MLLT3: variants seen among roughly 807,000 people sequenced by gnomAD.
MLLT3 encodes protein AF-9.
Under a neutral mutation model 53.2 loss-of-function variants are expected in MLLT3, and 4 were observed. The observed-to-expected ratio is 0.08, with a 90% CI of 0.04 to 0.17. The LOEUF is 0.17. MLLT3 is among the 10% of genes least tolerant of loss of function. The pLI, the probability that MLLT3 is intolerant of heterozygous loss-of-function variation, is 1.00. For synonymous variants in MLLT3, 283 were observed against 230.6 expected, an observed-to-expected ratio of 1.23 and a Z score of -2.06; for missense variants, 569 against 684.0, an observed-to-expected ratio of 0.83 and a Z score of 1.87.
intron 5 of MLLT3, among the ~76,000 whole-genome samples, chr9:20,366,732 C>G (rs547456231): frequency 6.6e-6 from 1 of 152,278 alleles, no homozygotes; most frequent in East Asian, 1.9e-4. Context: ...TAATGATCGC[C>G]ATTCTAACTG....
At chr9:20,385,511 G>A (rs1352770612) in intron 5 of MLLT3, among the ~76,000 whole-genome samples, 1 of 152,048 alleles carries the variant, frequency 6.6e-6, no homozygotes, top group African/African-American at 2.4e-5. Flanking sequence ...AATTATGTTT[G>A]AAATATATGA....
chr9:20,566,240 A>ACCACCC (rs2131158449), intron 2 of MLLT3, among the ~76,000 whole-genome samples: 1 of 151,168 alleles, frequency 6.6e-6, no homozygotes, highest in East Asian at 1.9e-4. Context: ...GGAGTTTGAG[A>ACCACCC]CCACCCTGGC....
chr9:20,421,911 T>C (rs1367195343), intron 4 of MLLT3, among the ~76,000 whole-genome samples: 1 of 152,168 alleles, frequency 6.6e-6, no homozygotes, highest in East Asian at 1.9e-4. Context: ...ATAGGATTTT[T>C]AGCAAGATAT....
intron 5 of MLLT3, among the ~76,000 whole-genome samples, chr9:20,407,435 T>G (rs1822611789): frequency 6.6e-6 from 1 of 152,190 alleles, no homozygotes; most frequent in Admixed American, 6.5e-5. Context: ...TGGCTCTGCA[T>G]GCCAAATCCA....
intron 2 of MLLT3, among the ~76,000 whole-genome samples, chr9:20,546,363 G>C (rs890665504): frequency 1.3e-5 from 2 of 152,098 alleles, no homozygotes; most frequent in African/African-American, 4.8e-5. Context: ...ATACAGTGAG[G>C]CACTGTTTCA....
intron 2 of MLLT3, among the ~76,000 whole-genome samples, chr9:20,492,953 C>T (rs1824986885): frequency 6.6e-6 from 1 of 151,872 alleles, no homozygotes; most frequent in Non-Finnish European, 1.5e-5. Flanking sequence ...AATTGATTGT[C>T]TTACCTTTAA....
In MLLT3 at chr9:20,415,494, A is replaced by T. The variant is rs189234715; in HGVS notation, c.421-1069T>A. ...ATAAGAAACAGAGAAGATCCTGGAC[A>T]TGCAAAAATCCACATCAATACTAAA... On this transcript the variant is annotated intron_variant, in intron 4 of 10. Transcript: ENST00000380338. 2.1e-3 allele frequency: 2,000 copies of T among 940,110 alleles called. 6 individuals carry two copies. The highest frequency in any genetic ancestry group is 2.3e-3 in the Non-Finnish European group (1,819 of 788,580). 58.2% of individuals were successfully genotyped at this position (940,110 alleles called of 1,614,324 possible).
chr9:20,460,204 G>T (rs1290557783), intron 2 of MLLT3, among the ~76,000 whole-genome samples: 1 of 152,144 alleles, frequency 6.6e-6, no homozygotes, highest in Admixed American at 6.5e-5. Flanking sequence ...TTCTCTCACT[G>T]CATCAAGTTT....
rs149748180 is a variant in MLLT3, at chr9:20,555,416, G to C, written c.193+65238C>G. On this transcript the variant is annotated intron_variant, in intron 2 of 10. Coordinates refer to ENST00000380338, the MANE Select transcript of MLLT3 (RefSeq NM_004529.4). ...AACAGTTCTCCCACCCAAAGTCCTA[G>C]GATTACAGGCGTGAGCCACCAGACC... 8.1e-3 allele frequency among the ~76,000 whole-genome samples: 1,231 copies of C among 152,102 alleles called. 10 individuals are homozygous for C. The highest frequency in any genetic ancestry group is 9.8e-3 in the Non-Finnish European group (663 of 67,990).
At chr9:20,453,962 T>C (rs1404445807) in intron 3 of MLLT3, among the ~76,000 whole-genome samples, 2 of 152,194 alleles carry the variant, frequency 1.3e-5, no homozygotes, top group African/African-American at 4.8e-5. Context: ...TTATTATGTA[T>C]GAAATTTTAA....
intron 2 of MLLT3, among the ~76,000 whole-genome samples, chr9:20,510,145 T>C (rs777007472): frequency 2.0e-5 from 3 of 151,898 alleles, no homozygotes; most frequent in Non-Finnish European, 4.4e-5. Context: ...TAGAAGAAAA[T>C]ATGTGTAACA....
intron 2 of MLLT3, among the ~76,000 whole-genome samples, chr9:20,588,037 T>C (rs1381119289): frequency 6.7e-6 from 1 of 150,156 alleles, no homozygotes; most frequent in Non-Finnish European, 1.5e-5. Context: ...AAGGAAGGGA[T>C]CCAGTTTCAG....
chr9:20,356,723 A>C (rs1821179980), intron 8 of MLLT3, among the ~76,000 whole-genome samples: 1 of 152,216 alleles, frequency 6.6e-6, no homozygotes, highest in Admixed American at 6.5e-5. Flanking sequence ...AACTTTGCTA[A>C]CTAGGTTTAG....
Position 20,439,934 on chromosome 9 carries a change from G to C in MLLT3, c.420+8189C>G, listed in dbSNP as rs560737421. On this transcript the variant is annotated intron_variant, in intron 4 of 10. Coordinates refer to ENST00000380338, the MANE Select transcript of MLLT3 (RefSeq NM_004529.4). ...CAGGGAAAATGTTAGATTCCTTCTT[G>C]AAACTAAAATATGTTCTTTCTGGTA... 2.3e-4 allele frequency among the ~76,000 whole-genome samples: 35 copies of C among 152,132 alleles called. 1 individual carries two copies. The South Asian group carries it at 5.2e-3, about 23-fold the overall frequency.
chr9:20,558,461 G>T (rs537758264), intron 2 of MLLT3, among the ~76,000 whole-genome samples: 9 of 152,052 alleles, frequency 5.9e-5, no homozygotes, highest in Admixed American at 3.3e-4. Flanking sequence ...TTTCCAACCC[G>T]AACTGCAATA....
chr9:20,501,194 C>T (rs1219478080), intron 2 of MLLT3, among the ~76,000 whole-genome samples: 2 of 152,078 alleles, frequency 1.3e-5, no homozygotes, highest in African/African-American at 4.8e-5. Flanking sequence ...TCAAATATAC[C>T]ATTTCTAGGA....
intron 10 of MLLT3, among the ~76,000 whole-genome samples, chr9:20,350,452 G>A (rs956049494): frequency 1.1e-4 from 17 of 151,720 alleles, no homozygotes; most frequent in East Asian, 7.8e-4. Context: ...AAAATTAGCC[G>A]GGCGTGGTGG....
chr9:20,388,537 G>A (rs772886837), intron 5 of MLLT3, among the ~76,000 whole-genome samples: 5 of 152,148 alleles, frequency 3.3e-5, no homozygotes, highest in South Asian at 2.1e-4. Flanking sequence ...GCAGTGAGCC[G>A]AGATCGTGCC....
chr9:20,426,617 G>A (rs1823144085), intron 4 of MLLT3, among the ~76,000 whole-genome samples: 1 of 151,986 alleles, frequency 6.6e-6, no homozygotes, highest in African/African-American at 2.4e-5. Flanking sequence ...ATATTTATGA[G>A]GTCTCCAGCA....
Sources: allele counts gnomAD v4.1 joint callset (sites outside exome capture counted in the v4.1 genomes callset), GRCh38; gene constraint gnomAD v4.1.1; transcripts MANE v1.5; gene names NCBI Gene and HGNC (gene_info 2026-07-23, HGNC 2026-07-21).